Variants in PRKAR1A observed in about 807,000 individuals in gnomAD.
The protein encoded by PRKAR1A is protein kinase cAMP-dependent type I regulatory subunit alpha, also known as cAMP-dependent protein kinase type I-alpha regulatory subunit.
In PRKAR1A, 3 loss-of-function variants were observed where a neutral mutation model predicts 52.0. That is an observed-to-expected ratio of 0.06 (90% CI 0.03 to 0.15). The LOEUF (loss-of-function observed/expected upper bound fraction) is 0.15. PRKAR1A is among the 10% of genes least tolerant of loss of function. The pLI, the probability that PRKAR1A is intolerant of heterozygous loss-of-function variation, is 1.00. For missense variants in PRKAR1A, 240 were observed against 477.4 expected, an observed-to-expected ratio of 0.50 and a Z score of 4.63; for synonymous variants, 188 against 168.4, an observed-to-expected ratio of 1.12 and a Z score of -0.90.
At chr17:68,495,423 C>T in the PRKAR1A span, among the ~76,000 whole-genome samples, 2 of 152,120 alleles carry the variant, frequency 1.3e-5, no homozygotes, top group Non-Finnish European at 2.9e-5. Flanking sequence ...ATTCCATTTG[C>T]CTGGACTGAC....
At chr17:68,428,623 TG>T in the PRKAR1A span, 1 of 530,492 alleles carries the variant, frequency 1.9e-6, no homozygotes, top group Non-Finnish European at 3.4e-6. Context: ...TTATTAATCC[TG>T]GCACTTTTCC....
At chr17:68,443,242 C>T in the PRKAR1A span, among the ~76,000 whole-genome samples, 1 of 152,126 alleles carries the variant, frequency 6.6e-6, no homozygotes, top group African/African-American at 2.4e-5. Flanking sequence ...TCCCAAGTAG[C>T]TGGGATTACA....
At chr17:68,537,445 G>A, downstream of PRKAR1A, 1 of 1,613,794 alleles carries the variant, frequency 6.2e-7, no homozygotes, top group South Asian at 1.1e-5. This position sits in a 1 kb window ranked among gnomAD's most constrained non-coding sequence, Gnocchi z 4.2. Context: ...CTGGCTCCAG[G>A]CGTATTTTCT....
chr17:68,542,231 C>T (rs994152711), intron 11 of PRKAR1A: 13 of 1,560,302 alleles, frequency 8.3e-6, no homozygotes, highest in Non-Finnish European at 1.1e-5. Context: ...TCTTCCTGGC[C>T]TAGGAAATCC....
downstream of PRKAR1A, chr17:68,536,881 G>T: frequency 2.2e-6 from 1 of 454,020 alleles, no homozygotes; most frequent in South Asian, 1.6e-5. Flanking sequence ...TTTGCCACTT[G>T]TTATAATATC....
intron 11 of PRKAR1A, chr17:68,543,818 CT>C: frequency 9.5e-7 from 1 of 1,049,666 alleles, no homozygotes; most frequent in Non-Finnish European, 1.5e-6. Flanking sequence ...GGAAAACGGG[CT>C]TTTATGCTTT....
rs766529889 is a variant in PRKAR1A at position 68,530,386 on chromosome 17, A to G, written c.1083A>G (p.Pro361=). The G allele has an allele frequency of 5.6e-6, 9 of 1,614,022 alleles. No homozygotes were observed. The highest frequency in any genetic ancestry group is 1.6e-4 in the Middle Eastern group (1 of 6,084). ...DRPRFERVLG[P]CSDILKRNIQ... is the part of the protein sequence containing the mutation. ...CTAGATTTGAACGTGTTCTTGGCCC[A>G]TGCTCAGACATCCTCAAACGAAACA... Residue 361 remains proline, a synonymous_variant, in exon 11 of 11, where the codon CCA becomes CCG. Transcript: ENST00000589228.
the PRKAR1A span, among the ~76,000 whole-genome samples, chr17:68,506,633 A>G: frequency 1.3e-5 from 2 of 151,904 alleles, no homozygotes; most frequent in Admixed American, 1.3e-4. Context: ...ACAGGCGTGC[A>G]CCACCACACC....
chr17:68,513,120 T>C (rs2085319221), intron 1 of PRKAR1A: 1 of 76,500 alleles, frequency 1.3e-5, no homozygotes, highest in Admixed American at 1.5e-4. Context: ...TCTCTCCCTT[T>C]CCCAATTTTG....
the PRKAR1A span, among the ~76,000 whole-genome samples, chr17:68,457,671 G>A: frequency 6.6e-6 from 1 of 151,688 alleles, no homozygotes; most frequent in Non-Finnish European, 1.5e-5. Flanking sequence ...CTGATAGGGC[G>A]GGGCCCCTGC....
upstream of PRKAR1A, among the ~76,000 whole-genome samples, chr17:68,507,483 C>G (rs1225503694): frequency 2.0e-5 from 3 of 152,148 alleles, no homozygotes; most frequent in African/African-American, 4.8e-5. Flanking sequence ...GAACAACACA[C>G]ACTGGGGCCT....
downstream of PRKAR1A, chr17:68,536,951 C>G: frequency 2.2e-6 from 1 of 454,266 alleles, no homozygotes; most frequent in Non-Finnish European, 4.4e-6. Flanking sequence ...GGTCCAGTGA[C>G]TAGAATATGA....
the PRKAR1A span, among the ~76,000 whole-genome samples, chr17:68,488,738 A>C: frequency 6.7e-6 from 1 of 150,130 alleles, no homozygotes; most frequent in Non-Finnish European, 1.5e-5. Context: ...TCAAAACAAA[A>C]AAAAAAAAAA....
the PRKAR1A span, chr17:68,413,883 GC>G: frequency 1.3e-5 from 2 of 152,480 alleles, no homozygotes; most frequent in Non-Finnish European, 1.5e-5. Context: ...TTTTCCAGGT[GC>G]CGTCTGTCAC....
rs1301248962 is a variant in PRKAR1A at position 68,512,459 on chromosome 17, T to G, written c.-96T>G. 6.5e-6 allele frequency: 1 copy of G among 153,102 alleles called. No individual in the cohort carries two copies. Among genetic ancestry groups the G allele is most frequent in the Non-Finnish European group, 1.5e-5 (1 of 68,354 alleles). 9.5% of individuals were successfully genotyped at this position (153,102 alleles called of 1,614,324 possible). A position where few individuals can be genotyped will look rare whatever the true frequency, so the allele number is the denominator to read the frequency against. On this transcript the variant is annotated 5_prime_UTR_variant, in exon 1 of 11. Coordinates refer to ENST00000589228, the MANE Select transcript of PRKAR1A (RefSeq NM_002734.5). ...CTGTCGCCTAGCCGCTATCGCAGAGTGGAGCGGGGCTGGGAGCAAAGCGCT... is the reference window on the plus strand; with the variant it reads ...CTGTCGCCTAGCCGCTATCGCAGAGGGGAGCGGGGCTGGGAGCAAAGCGCT...
At chr17:68,540,274 A>G (rs1348977748) in intron 11 of PRKAR1A, among the ~76,000 whole-genome samples, 2 of 152,176 alleles carry the variant, frequency 1.3e-5, no homozygotes, top group Non-Finnish European at 2.9e-5. Context: ...CACCTCGTGT[A>G]TGTATTGACA....
the PRKAR1A span, among the ~76,000 whole-genome samples, chr17:68,458,456 A>G: frequency 6.6e-6 from 1 of 152,226 alleles, no homozygotes; most frequent in Non-Finnish European, 1.5e-5. Context: ...TGACTGCAGC[A>G]TTTGACGGAG....
chr17:68,467,642 T>A, the PRKAR1A span, among the ~76,000 whole-genome samples: 7 of 152,308 alleles, frequency 4.6e-5, no homozygotes, highest in African/African-American at 1.7e-4. Context: ...GGACAATAAG[T>A]TTCAACACAG....
the PRKAR1A span, among the ~76,000 whole-genome samples, chr17:68,423,290 A>G: frequency 1.3e-3 from 196 of 152,360 alleles, 1 homozygote; most frequent in African/African-American, 4.7e-3. This position sits in a 1 kb window ranked among gnomAD's most constrained non-coding sequence, Gnocchi z 4.4. Flanking sequence ...CAATTCAGGC[A>G]TGACTGAGAT....
Sources: allele counts gnomAD v4.1 joint callset (sites outside exome capture counted in the v4.1 genomes callset), GRCh38; gene constraint gnomAD v4.1.1; non-coding constraint Gnocchi (gnomAD v3.1); transcripts MANE v1.5; gene names NCBI Gene and HGNC (gene_info 2026-07-23, HGNC 2026-07-21).